Variants in BABAM2 observed in about 807,000 individuals in gnomAD.
The protein encoded by BABAM2 is BRISC and BRCA1 A complex member 2.
BABAM2 carries 31 observed loss-of-function variants against 54.7 expected under a neutral mutation model. That is an observed-to-expected ratio of 0.57 (90% CI 0.43 to 0.77). The LOEUF (loss-of-function observed/expected upper bound fraction) is 0.77. BABAM2 is among the 30% of genes least tolerant of loss of function. The pLI, the probability that BABAM2 is intolerant of heterozygous loss-of-function variation, is 0.00. For missense variants in BABAM2, 364 were observed against 455.8 expected (o/e 0.80, Z 1.83); for synonymous variants, 167 against 162.9 (o/e 1.03, Z -0.19).
chr2:28,335,309 A>G (rs1423862625), intron 11 of BABAM2, among the ~76,000 whole-genome samples: 1 of 151,966 alleles, frequency 6.6e-6, no homozygotes, highest in Admixed American at 6.6e-5. Flanking sequence ...AGCTGGGACT[A>G]CAAGCGCCCA....
At chr2:28,246,709 T>G (rs1356559857) in intron 10 of BABAM2, among the ~76,000 whole-genome samples, 1 of 152,214 alleles carries the variant, frequency 6.6e-6, no homozygotes, top group South Asian at 2.1e-4. Context: ...TCAGATCATA[T>G]CAGAATAAGG....
At chr2:28,052,351 G>A (rs1344693507) in intron 6 of BABAM2, among the ~76,000 whole-genome samples, 1 of 148,894 alleles carries the variant, frequency 6.7e-6, no homozygotes, top group East Asian at 2.0e-4. Context: ...GTAGTGGCAC[G>A]ATCTTGGCTC....
intron 6 of BABAM2, among the ~76,000 whole-genome samples, chr2:28,094,820 A>T (rs1480368621): frequency 6.6e-6 from 1 of 151,628 alleles, no homozygotes; most frequent in Non-Finnish European, 1.5e-5. Flanking sequence ...AGAAGGTGGC[A>T]TACTATATAC....
Position 28,325,791 on chromosome 2 carries a change from C to T in BABAM2, c.1089-12659C>T, listed in dbSNP as rs903565317. 6.6e-6 allele frequency among the ~76,000 whole-genome samples: 1 copy of T among 152,214 alleles called. No homozygotes were observed. The highest frequency in any genetic ancestry group is 1.5e-5 in the Non-Finnish European group (1 of 68,040). On this transcript the variant is annotated intron_variant, in intron 11 of 11. Coordinates refer to ENST00000379624, the MANE Select transcript of BABAM2 (RefSeq NM_199191.3). This position sits in a 1 kb window ranked among gnomAD's most constrained non-coding sequence, Gnocchi z 4.3. ...ACCAAAAGCTGTGTCCAAAAGCCAG[C>T]ATGCAGGGGCCTGAGCACCTGTGGA...
Position 28,338,609 on chromosome 2 carries a change from A to ACGGCAG in BABAM2, c.*99_*104dup, listed in dbSNP as rs1458574793. On this transcript the variant is annotated 3_prime_UTR_variant, in exon 12 of 12. Transcript: ENST00000379624. The stretch of plus-strand genomic sequence containing the variant: ...CCTGGAAGCCGCCTGGAATGTCTTC[A>ACGGCAG]CGGCAGCGTTTTGCTCACACAGCAG... The ACGGCAG allele has an allele frequency of 1.3e-4, 185 of 1,446,742 alleles. No individual in the cohort carries two copies. The highest frequency in any genetic ancestry group is 1.8e-4 in the Non-Finnish European group (181 of 1,033,736). The allele number at this position is 1,446,742 out of a possible 1,614,324, so 89.6% of individuals were successfully genotyped here. A position where few individuals can be genotyped will look rare whatever the true frequency, so the allele number is the denominator to read the frequency against.
chr2:27,954,673 A>T (rs1018902200), intron 3 of BABAM2, among the ~76,000 whole-genome samples: 2 of 152,200 alleles, frequency 1.3e-5, no homozygotes, highest in African/African-American at 4.8e-5. Flanking sequence ...CTGGACTTTT[A>T]TGTGGCATAA....
Position 28,338,474 on chromosome 2 carries a change from T to G in BABAM2, c.1113T>G (p.Pro371=). The G allele has an allele frequency of 6.2e-7, 1 of 1,614,168 alleles. No homozygotes were observed. The highest frequency in any genetic ancestry group is 8.5e-7 in the Non-Finnish European group (1 of 1,180,002). Residue 371 remains proline, a synonymous_variant, in exon 12 of 12, where the codon CCT becomes CCG. Coordinates refer to ENST00000379624, the MANE Select transcript of BABAM2 (RefSeq NM_199191.3). The part of the protein sequence containing the change: ...RAKAYFKTFV[P]QFQEAAFANG... ...GGGCTTATTTCAAAACCTTTGTCCC[T>G]CAGTTCCAGGAGGCAGCATTTGCCA...
intron 3 of BABAM2, among the ~76,000 whole-genome samples, chr2:27,986,352 G>T (rs577622386): frequency 2.0e-5 from 3 of 148,382 alleles, no homozygotes; most frequent in African/African-American, 7.4e-5. Flanking sequence ...TAATAGCAGG[G>T]TTTTTTTTTT....
At chr2:28,002,630 T>A (rs542539449) in intron 4 of BABAM2, among the ~76,000 whole-genome samples, 66 of 151,726 alleles carry the variant, frequency 4.3e-4, no homozygotes, top group Admixed American at 1.7e-3. Flanking sequence ...TCATGGCAAA[T>A]TACAGAAAAC....
chr2:28,016,567 T>C, intron 4 of BABAM2: 2 of 575,932 alleles, frequency 3.5e-6, no homozygotes, highest in South Asian at 3.4e-5. Flanking sequence ...GGTGCATTTC[T>C]TTCTAATTAA....
At chr2:28,070,494 C>T (rs1358063785) in intron 6 of BABAM2, among the ~76,000 whole-genome samples, 1 of 152,076 alleles carries the variant, frequency 6.6e-6, no homozygotes, top group South Asian at 2.1e-4. Flanking sequence ...TTCTGACTCT[C>T]CTGTCCCCCA....
chr2:28,092,897 C>T (rs980880993), intron 6 of BABAM2, among the ~76,000 whole-genome samples: 1 of 151,916 alleles, frequency 6.6e-6, no homozygotes, highest in Non-Finnish European at 1.5e-5. Context: ...TCTCAGCATC[C>T]GACAGTCCCT....
chr2:28,030,653 T>C (rs976109154), intron 5 of BABAM2, among the ~76,000 whole-genome samples: 1 of 152,202 alleles, frequency 6.6e-6, no homozygotes, highest in African/African-American at 2.4e-5. Context: ...AGATAAACAC[T>C]GGACCCTGGC....
chr2:28,154,632 T>C (rs968740060), intron 7 of BABAM2, among the ~76,000 whole-genome samples: 1 of 152,216 alleles, frequency 6.6e-6, no homozygotes, highest in Non-Finnish European at 1.5e-5. Context: ...CCCTTCTTTA[T>C]GTATTTTTTT....
Position 28,057,302 on chromosome 2 carries a change from A to G in BABAM2, c.570+11503A>G, listed in dbSNP as rs150345527. On this transcript the variant is annotated intron_variant, in intron 6 of 11. Transcript: ENST00000379624. Reference sequence around the variant, plus strand: ...TTCCTTGTCTTACTAATCCAGCTTTAAGCAGTTGGTTTTCCTAAGCCAATG... The same window carrying G: ...TTCCTTGTCTTACTAATCCAGCTTTGAGCAGTTGGTTTTCCTAAGCCAATG... Among the ~76,000 whole-genome samples the G allele has an allele frequency of 2.8e-3, 425 of 152,326 alleles. 2 individuals are homozygous for G. Among genetic ancestry groups the G allele is most frequent in the African/African-American group, 9.9e-3 (413 of 41,564 alleles).
intron 7 of BABAM2, among the ~76,000 whole-genome samples, chr2:28,211,187 G>C (rs1454399445): frequency 1.3e-5 from 2 of 152,120 alleles, no homozygotes; most frequent in East Asian, 3.8e-4. Context: ...TGTCAGTTAG[G>C]TTTTGAAAAC....
chr2:27,984,190 A>G (rs1389175168), intron 3 of BABAM2, among the ~76,000 whole-genome samples: 3 of 151,994 alleles, frequency 2.0e-5, no homozygotes, highest in African/African-American at 2.4e-5. Flanking sequence ...TCAAGGGACA[A>G]TAGATCCTAG....
At chr2:27,988,743 A>T (rs1672574934) in intron 4 of BABAM2, among the ~76,000 whole-genome samples, 1 of 152,196 alleles carries the variant, frequency 6.6e-6, no homozygotes, top group Non-Finnish European at 1.5e-5. Flanking sequence ...TGCATGGTGG[A>T]TGGAGAAAAA....
At chr2:27,919,986 A>G (rs984957473) in intron 2 of BABAM2, among the ~76,000 whole-genome samples, 3 of 152,104 alleles carry the variant, frequency 2.0e-5, no homozygotes, top group African/African-American at 7.2e-5. Flanking sequence ...TGAGTCACTT[A>G]TTTTGGTGAT....
Sources: gnomAD v4.1 joint callset for allele counts (sites outside exome capture counted in the v4.1 genomes callset) on GRCh38, gnomAD v4.1.1 for gene constraint, Gnocchi (gnomAD v3.1) non-coding constraint, MANE v1.5 for transcripts, NCBI Gene and HGNC (gene_info 2026-07-23, HGNC 2026-07-21) for gene names.